The following ADARB2 variants were observed in gnomAD, a reference collection of about 807,000 sequenced individuals.
ADARB2 encodes adenosine deaminase RNA specific B2 (inactive).
In ADARB2, 25 loss-of-function variants were observed where a neutral mutation model predicts 62.2. The observed-to-expected ratio is 0.40, with a 90% confidence interval of 0.29 to 0.56. The LOEUF is 0.56. ADARB2 is among the 20% of genes least tolerant of loss of function. The pLI is 0.43. For missense variants in ADARB2, 1,071 were observed against 1,077.4 expected, an observed-to-expected ratio of 0.99 and a Z score of 0.08; for synonymous variants, 572 against 500.8, an observed-to-expected ratio of 1.14 and a Z score of -1.90.
chr10:1,395,171 G>T (rs187523094), intron 1 of ADARB2, among the ~76,000 whole-genome samples: 1 of 152,180 alleles, frequency 6.6e-6, no homozygotes, highest in African/African-American at 2.4e-5. Flanking sequence ...GTGAGCCACC[G>T]TGCCTGGCCA....
intron 1 of ADARB2, among the ~76,000 whole-genome samples, chr10:1,567,528 T>G (rs1306438054): frequency 6.6e-6 from 1 of 152,082 alleles, no homozygotes; most frequent in Admixed American, 6.6e-5. Context: ...CAAAGCAAAC[T>G]GCCCCCACTC....
At chr10:1,269,154 G>C (rs948092793) in intron 4 of ADARB2, among the ~76,000 whole-genome samples, 13 of 148,548 alleles carry the variant, frequency 8.8e-5, no homozygotes, top group African/African-American at 3.2e-4. Context: ...TTCATACCAA[G>C]ACACTAATTT....
chr10:1,260,085 T>A (rs1831119448), intron 4 of ADARB2, among the ~76,000 whole-genome samples: 1 of 150,186 alleles, frequency 6.7e-6, no homozygotes, highest in African/African-American at 2.5e-5. Context: ...AAAAGGCCTT[T>A]GACAAAATTA....
At chr10:1,718,101 G>C (rs369410157) in intron 1 of ADARB2, among the ~76,000 whole-genome samples, 37 of 152,276 alleles carry the variant, frequency 2.4e-4, no homozygotes, top group South Asian at 1.9e-3. Flanking sequence ...AGGAAACCAA[G>C]AGGCACAAAC....
rs112708004 is a variant in ADARB2, at chr10:1,472,545, T to C, written c.101-93385A>G. ...TCACCATGCTGGGGACTTGGAGGTA[T>C]GCTGGGAGAAGGACCAGTTAGAGGA... On this transcript the variant is annotated intron_variant, in intron 1 of 9. Transcript: ENST00000381312. Among the ~76,000 whole-genome samples, 1,347 of 152,268 alleles carry C rather than the reference T, an allele frequency of 8.8e-3. 16 individuals are homozygous for C. The highest frequency in any genetic ancestry group is 0.031 in the African/African-American group (1,273 of 41,542).
chr10:1,314,137 T>C (rs941705893), intron 3 of ADARB2, among the ~76,000 whole-genome samples: 3 of 152,100 alleles, frequency 2.0e-5, no homozygotes, highest in Non-Finnish European at 4.4e-5. Flanking sequence ...CATTCTGGAT[T>C]CTTATTTTGA....
intron 3 of ADARB2, among the ~76,000 whole-genome samples, chr10:1,330,283 A>C (rs574557750): frequency 1.3e-5 from 2 of 152,250 alleles, no homozygotes; most frequent in African/African-American, 4.8e-5. Flanking sequence ...GCCTCAGGGC[A>C]CCATGCTTGG....
intron 1 of ADARB2, among the ~76,000 whole-genome samples, chr10:1,660,677 T>A (rs1834234955): frequency 6.6e-6 from 1 of 152,156 alleles, no homozygotes; most frequent in African/African-American, 2.4e-5. Context: ...AGTAGCAGAG[T>A]TGGATCCAGT....
At chr10:1,217,213 G>A in intron 6 of ADARB2, 94 bp from the exon 7 acceptor site, 1 of 1,267,686 alleles carries the variant, frequency 7.9e-7, no homozygotes, top group Non-Finnish European at 1.1e-6. Context: ...AGAGGTCAAA[G>A]GGCCCCTCAC....
chr10:1,197,209 T>G (rs1208025226), intron 8 of ADARB2, among the ~76,000 whole-genome samples: 2 of 152,194 alleles, frequency 1.3e-5, no homozygotes, highest in African/African-American at 4.8e-5. Flanking sequence ...TTCAGAAATT[T>G]CTCCTGAATT....
intron 1 of ADARB2, among the ~76,000 whole-genome samples, chr10:1,725,625 G>A (rs949836679): frequency 2.0e-5 from 3 of 152,128 alleles, no homozygotes; most frequent in East Asian, 1.9e-4. Flanking sequence ...CCACCCACCC[G>A]GGGCAACACC....
intron 1 of ADARB2, among the ~76,000 whole-genome samples, chr10:1,588,765 G>A (rs1444050556): frequency 6.6e-6 from 1 of 152,200 alleles, no homozygotes; most frequent in Admixed American, 6.5e-5. Flanking sequence ...GAGGCAATGG[G>A]GTGTGGGATC....
At position 1,417,843 on chromosome 10, in the gene ADARB2, G is replaced by A. The variant is rs137900310; in HGVS notation, c.101-38683C>T. On this transcript the variant is annotated intron_variant, in intron 1 of 9. Coordinates refer to ENST00000381312, the MANE Select transcript of ADARB2 (RefSeq NM_018702.4). The stretch of plus-strand genomic sequence containing the variant: ...TGCCTGCATGGCAAGTGGCAGCCAT[G>A]TGCGTTGAGGCCACGCGCTGTGGGC... Among the ~76,000 whole-genome samples the A allele has an allele frequency of 1.9e-3, 295 of 152,386 alleles. 1 individual carries two copies. The highest frequency in any genetic ancestry group is 0.01 in the Middle Eastern group (3 of 294).
rs1366771815 is a variant in ADARB2, at chr10:1,398,042, C to T, written c.101-18882G>A. On this transcript the variant is annotated intron_variant, in intron 1 of 9. Coordinates refer to ENST00000381312, the MANE Select transcript of ADARB2 (RefSeq NM_018702.4). This position sits in a 1 kb window ranked among gnomAD's most constrained non-coding sequence, Gnocchi z 4.1. Reference sequence around the variant, plus strand: ...CCCGAGTGCAGGCTTCCTGGGTCACCGTCCTCCTCTCCCCTCCCGAGTGCA... The same window carrying T: ...CCCGAGTGCAGGCTTCCTGGGTCACTGTCCTCCTCTCCCCTCCCGAGTGCA... 1.5e-5 allele frequency among the ~76,000 whole-genome samples: 2 copies of T among 136,266 alleles called. No individual in the cohort carries two copies. Among genetic ancestry groups the T allele is most frequent in the Admixed American group, 7.2e-5 (1 of 13,892 alleles). 89.4% of individuals were successfully genotyped at this position (136,266 alleles called of 152,430 possible). A position where few individuals can be genotyped will look rare whatever the true frequency, so the allele number is the denominator to read the frequency against.
At chr10:1,509,132 G>A (rs1283801934) in intron 1 of ADARB2, among the ~76,000 whole-genome samples, 1 of 152,114 alleles carries the variant, frequency 6.6e-6, no homozygotes, top group Non-Finnish European at 1.5e-5. Context: ...CCATGCCCTC[G>A]GTGATTAGCG....
chr10:1,245,847 A>G (rs993686502), intron 4 of ADARB2, among the ~76,000 whole-genome samples: 2 of 151,780 alleles, frequency 1.3e-5, no homozygotes, highest in Non-Finnish European at 2.9e-5. Context: ...CCTTGGGTAT[A>G]TACCCAGTAA....
chr10:1,271,139 C>T, intron 3 of ADARB2, 70 bp from the exon 4 acceptor site: 1 of 1,259,038 alleles, frequency 7.9e-7, no homozygotes, highest in Non-Finnish European at 1.1e-6. Context: ...GGGCACTGTC[C>T]TCCCCGTCCT....
chr10:1,179,976 C>T lies in ADARB2; in HGVS notation c.*3217G>A, dbSNP rs919688675. ...ATTTTCAGGGTGACAGAAAGTGACC[C>T]GTCCCCTACTTGTGTCTTGCCCCCT... On this transcript the variant is annotated 3_prime_UTR_variant, in exon 10 of 10. Transcript: ENST00000381312. The T allele has an allele frequency of 8.0e-5, 12 of 150,708 alleles. No homozygotes were observed. Among genetic ancestry groups the T allele is most frequent in the South Asian group, 2.1e-4 (1 of 4,790 alleles). The allele number at this position is 150,708 out of a possible 1,614,324, so 9.3% of individuals were successfully genotyped here. A position where few individuals can be genotyped will look rare whatever the true frequency, so the allele number is the denominator to read the frequency against.
chr10:1,605,551 T>G (rs1305591610), intron 1 of ADARB2, among the ~76,000 whole-genome samples: 1 of 152,262 alleles, frequency 6.6e-6, no homozygotes, highest in Non-Finnish European at 1.5e-5. Flanking sequence ...TACTTGTAAC[T>G]TATTTTTAAT....
Sources: allele counts gnomAD v4.1 joint callset (sites outside exome capture counted in the v4.1 genomes callset), GRCh38; gene constraint gnomAD v4.1.1; non-coding constraint Gnocchi (gnomAD v3.1); transcripts MANE v1.5; gene names NCBI Gene and HGNC (gene_info 2026-07-23, HGNC 2026-07-21).